ARHGAP24: variants seen among roughly 807,000 people sequenced by gnomAD.
ARHGAP24 encodes the protein Rho GTPase activating protein 24, also known as rho GTPase-activating protein 24.
A neutral mutation model predicts 76.4 loss-of-function variants in ARHGAP24; 50 were observed. The observed-to-expected ratio is 0.65, with a 90% CI of 0.52 to 0.83. The LOEUF is 0.83. Among genes scored for constraint, ARHGAP24 ranks in the 40% least tolerant of loss-of-function variants. ARHGAP24 has a pLI of 0.00. For synonymous variants in ARHGAP24, 345 were observed against 323.3 expected (o/e 1.07, Z -0.72); for missense variants, 930 against 914.2 (o/e 1.02, Z -0.22).
chr4:85,570,948 A>G (rs1337359939), intron 2 of ARHGAP24: 4 of 472,794 alleles, frequency 8.5e-6, no homozygotes, highest in African/African-American at 3.9e-5. Context: ...TTTAATATTT[A>G]CTAAGCCAGA....
chr4:85,783,873 G>A (rs905249329), intron 3 of ARHGAP24, among the ~76,000 whole-genome samples: 8 of 152,122 alleles, frequency 5.3e-5, no homozygotes, highest in Admixed American at 1.3e-4. Context: ...AGATGGAACC[G>A]GGACTTGCTT....
At chr4:85,741,259 A>G (rs1725814978) in intron 3 of ARHGAP24, among the ~76,000 whole-genome samples, 1 of 152,194 alleles carries the variant, frequency 6.6e-6, no homozygotes, top group Non-Finnish European at 1.5e-5. Context: ...TATTAAGATC[A>G]TACTAGAGAT....
intron 3 of ARHGAP24, among the ~76,000 whole-genome samples, chr4:85,863,171 G>A (rs1731999418): frequency 6.6e-6 from 1 of 151,900 alleles, no homozygotes; most frequent in Non-Finnish European, 1.5e-5. Flanking sequence ...ACACAACAAG[G>A]ATTTTTTTTA....
At chr4:85,759,446 C>T (rs180882968) in intron 3 of ARHGAP24, among the ~76,000 whole-genome samples, 21 of 152,160 alleles carry the variant, frequency 1.4e-4, no homozygotes, top group African/African-American at 4.8e-4. Context: ...GTCAATACCA[C>T]CTTGATTAGA....
intron 2 of ARHGAP24, among the ~76,000 whole-genome samples, chr4:85,582,635 C>T (rs1176589072): frequency 6.6e-6 from 1 of 152,002 alleles, no homozygotes; most frequent in Non-Finnish European, 1.5e-5. Flanking sequence ...GACTGTAACA[C>T]TCTTTATGTC....
intron 2 of ARHGAP24, among the ~76,000 whole-genome samples, chr4:85,702,491 A>G (rs920632272): frequency 6.6e-6 from 1 of 152,172 alleles, no homozygotes; most frequent in African/African-American, 2.4e-5. Context: ...ATTTCTTAAA[A>G]GTGTTTTTGA....
chr4:85,530,293 C>T (rs1021540851), intron 1 of ARHGAP24, among the ~76,000 whole-genome samples: 6 of 152,042 alleles, frequency 3.9e-5, no homozygotes, highest in Admixed American at 2.6e-4. Context: ...ATGAGAATTA[C>T]GATAAACTGT....
chr4:85,844,258 T>TA (rs1196952564), intron 3 of ARHGAP24, among the ~76,000 whole-genome samples: 1 of 152,200 alleles, frequency 6.6e-6, no homozygotes, highest in East Asian at 1.9e-4. Context: ...ATTAAAGAGA[T>TA]ATAGAGTCTC....
intron 3 of ARHGAP24, among the ~76,000 whole-genome samples, chr4:85,893,548 C>T (rs1733956854): frequency 1.2e-5 from 1 of 86,810 alleles, no homozygotes; most frequent in African/African-American, 4.7e-5. Context: ...TCTTTTAGGG[C>T]AGGCCTGGTG....
chr4:85,685,219 G>A (rs1306374005), intron 2 of ARHGAP24, among the ~76,000 whole-genome samples: 4 of 151,998 alleles, frequency 2.6e-5, no homozygotes, highest in African/African-American at 9.7e-5. Context: ...AGTTCATTAG[G>A]TATATTTTTC....
At chr4:85,998,767 C>T (rs745820292) in intron 9 of ARHGAP24, among the ~76,000 whole-genome samples, 34 of 152,218 alleles carry the variant, frequency 2.2e-4, no homozygotes, top group Non-Finnish European at 4.7e-4. Context: ...TTTGTAGTCT[C>T]TTCTTCATAA....
At chr4:85,545,261 G>A (rs1725875219) in intron 1 of ARHGAP24, among the ~76,000 whole-genome samples, 1 of 151,750 alleles carries the variant, frequency 6.6e-6, no homozygotes, top group Non-Finnish European at 1.5e-5. Flanking sequence ...CACCACACCG[G>A]GCTAATTTTT....
chr4:85,529,156 G>T (rs549479868), intron 1 of ARHGAP24, among the ~76,000 whole-genome samples: 2 of 151,890 alleles, frequency 1.3e-5, no homozygotes, highest in Non-Finnish European at 2.9e-5. Flanking sequence ...TAATTTTTTT[G>T]TTGTCATCAA....
At chr4:85,521,056 A>G (rs1055551618) in intron 1 of ARHGAP24, among the ~76,000 whole-genome samples, 4 of 152,162 alleles carry the variant, frequency 2.6e-5, no homozygotes, top group Non-Finnish European at 4.4e-5. Flanking sequence ...GGGCAGTGAC[A>G]CGGATCAGAG....
At chr4:85,876,514 CT>C (rs1732946708) in intron 3 of ARHGAP24, among the ~76,000 whole-genome samples, 1 of 152,112 alleles carries the variant, frequency 6.6e-6, no homozygotes, top group African/African-American at 2.4e-5. Flanking sequence ...ATCCCTTTAC[CT>C]TATGAAACTC....
intron 2 of ARHGAP24, among the ~76,000 whole-genome samples, chr4:85,605,349 A>G (rs138258936): frequency 1.3e-5 from 2 of 152,310 alleles, no homozygotes; most frequent in East Asian, 3.9e-4. Flanking sequence ...GAAGTCCACA[A>G]TGTACCTCAA....
intron 2 of ARHGAP24, among the ~76,000 whole-genome samples, chr4:85,682,812 A>G (rs899573041): frequency 6.6e-6 from 1 of 152,146 alleles, no homozygotes; most frequent in Non-Finnish European, 1.5e-5. Flanking sequence ...AAAGGATACA[A>G]TGTAGAGGGA....
chr4:85,884,201 A>C (rs565781981), intron 3 of ARHGAP24, among the ~76,000 whole-genome samples: 1 of 152,074 alleles, frequency 6.6e-6, no homozygotes, highest in Admixed American at 6.6e-5. Context: ...TATAGAACCT[A>C]TTTTTTCAAA....
chr4:85,814,991 A>G (rs962531633), intron 3 of ARHGAP24, among the ~76,000 whole-genome samples: 2 of 152,148 alleles, frequency 1.3e-5, no homozygotes, highest in African/African-American at 4.8e-5. Flanking sequence ...TGCAAGCTCA[A>G]CACTACATGG....
Sources: gnomAD v4.1 joint callset for allele counts (sites outside exome capture counted in the v4.1 genomes callset) on GRCh38, gnomAD v4.1.1 for gene constraint, MANE v1.5 for transcripts, NCBI Gene and HGNC (gene_info 2026-07-23, HGNC 2026-07-21) for gene names.